HERC1: variants seen among roughly 807,000 people sequenced by gnomAD.
The protein encoded by HERC1 is HECT and RLD domain containing E3 ubiquitin protein ligase family member 1.
HERC1 carries 160 observed loss-of-function variants against 554.3 expected under a neutral mutation model. The ratio of observed to expected loss-of-function variants is 0.29; its 90% confidence interval spans 0.25 to 0.33. HERC1 has a LOEUF of 0.33. HERC1 is among the 10% of genes least tolerant of loss of function. HERC1 has a pLI of 1.00. For synonymous variants in HERC1, 2,175 were observed against 2,131.7 expected (o/e 1.02, Z -0.56); for missense variants, 4,919 against 5,918.5 (o/e 0.83, Z 5.54).
chr15:63,645,349 T>C (rs1463261579), intron 56 of HERC1, 134 bp downstream of exon 56: 1 of 713,712 alleles, frequency 1.4e-6, no homozygotes, highest in Non-Finnish European at 2.3e-6. Flanking sequence ...TGAGGTAATC[T>C]TATAATGTTA....
intron 17 of HERC1, among the ~76,000 whole-genome samples, chr15:63,726,707 A>C (rs1026717510): frequency 2.6e-5 from 4 of 152,186 alleles, no homozygotes; most frequent in East Asian, 1.9e-4. Flanking sequence ...TCTACAAACA[A>C]AACACCAGGG....
In HERC1 at chr15:63,632,442, A is replaced by G. The variant is rs74018158; in HGVS notation, c.12796+267T>C. The G allele has an allele frequency of 0.17, 84,368 of 487,394 alleles. 8,493 individuals carry two copies. The highest frequency in any genetic ancestry group is 0.2 in the Non-Finnish European group (53,684 of 267,686). The allele number at this position is 487,394 out of a possible 1,614,324, so 30.2% of individuals were successfully genotyped here. ...TGTGGCAGCATGTCAAGGGCAGTAG[A>G]AAAGAAGAGGGGACGGCCCTTGGCA... On this transcript the variant is annotated intron_variant, in intron 68 of 77. Transcript: ENST00000443617.
At chr15:63,614,034 G>A (rs1426339023) in intron 76 of HERC1, among the ~76,000 whole-genome samples, 1 of 152,180 alleles carries the variant, frequency 6.6e-6, no homozygotes, top group Non-Finnish European at 1.5e-5. Flanking sequence ...CTGGCTGCTT[G>A]GAGATGGCAG....
chr15:63,771,904 T>A (rs1166585071), intron 2 of HERC1, among the ~76,000 whole-genome samples: 1 of 151,934 alleles, frequency 6.6e-6, no homozygotes, highest in Non-Finnish European at 1.5e-5. Context: ...AAAAAAAAAA[T>A]TATTTTAGAT....
intron 1 of HERC1, among the ~76,000 whole-genome samples, chr15:63,808,795 G>A (rs2077208927): frequency 6.6e-6 from 1 of 152,136 alleles, no homozygotes; most frequent in African/African-American, 2.4e-5. Context: ...ATACTTTCTA[G>A]AGGAATGAAG....
intron 1 of HERC1, among the ~76,000 whole-genome samples, chr15:63,796,428 CAGTA>C (rs1422611751): frequency 2.0e-5 from 3 of 152,214 alleles, no homozygotes; most frequent in African/African-American, 4.8e-5. Context: ...AAAATTATGA[CAGTA>C]AGAGAAATTT....
intron 56 of HERC1, 49 bp downstream of exon 56, chr15:63,645,434 C>T: frequency 7.2e-7 from 1 of 1,389,280 alleles, no homozygotes; most frequent in Non-Finnish European, 9.9e-7. Context: ...AGATAACAGT[C>T]TATACCAATA....
rs1350441162 is a variant in HERC1, at chr15:63,755,268, C to T, written c.1591G>A (p.Glu531Lys). The T allele has an allele frequency of 2.5e-6, 4 of 1,613,704 alleles. No individual in the cohort carries two copies. The highest frequency in any genetic ancestry group is 2.5e-6 in the Non-Finnish European group (3 of 1,179,676). The change falls in exon 6 of 78, where the codon GAA becomes AAA. Residue 531 changes from glutamate (E) to lysine (K), a missense_variant. Physicochemically the swap from Glu to Lys is moderately conservative, Grantham distance 56. Around this residue, in one of 11 missense-constraint regions of HERC1, gnomAD observed 744 missense variants for 1,090.0 expected, o/e 0.68. Transcript: ENST00000443617. ...TCTCCTTCACCCCATGTGTATAATT[C>T]CCCATCCTCTGTGACAGCAGCACTA... Reference protein sequence around the residue: ...RHSAAVTEDGELYTWGEGDFG... With the variant: ...RHSAAVTEDGKLYTWGEGDFG...
At chr15:63,686,643 T>G in intron 33 of HERC1, 108 bp from the exon 34 acceptor site, 1 of 867,558 alleles carries the variant, frequency 1.2e-6, no homozygotes, top group Non-Finnish European at 1.8e-6. Context: ...ATGTATCTAC[T>G]ATGAATCAGT....
chr15:63,635,059 T>A (rs1201581292), intron 65 of HERC1, 171 bp from the exon 66 acceptor site: 2 of 459,174 alleles, frequency 4.4e-6, no homozygotes, highest in East Asian at 7.7e-5. Context: ...TTTTTTTAAA[T>A]TTTAAAGAGA....
rs1595811338 is a variant in HERC1 at position 63,612,243 on chromosome 15, T to C, written c.14400+8A>G. ...ACATTACAAAGGAAAAAAGAATAGC[T>C]TACTTACCCTATCAACCTTCATGAT... On this transcript the variant is annotated splice_region_variant and intron_variant, in intron 77 of 77. Coordinates refer to ENST00000443617, the MANE Select transcript of HERC1 (RefSeq NM_003922.4). This position sits in a 1 kb window ranked among gnomAD's most constrained non-coding sequence, Gnocchi z 5.0. The C allele has an allele frequency of 6.3e-7, 1 of 1,592,782 alleles. No homozygotes were observed.
chr15:63,790,852 G>A (rs1050996991), intron 1 of HERC1, among the ~76,000 whole-genome samples: 1 of 150,816 alleles, frequency 6.6e-6, no homozygotes, highest in Non-Finnish European at 1.5e-5. Context: ...AACAAAAAAA[G>A]TTTGTATGAC....
chr15:63,666,179 G>A (rs1391977713), intron 41 of HERC1, 29 bp from the exon 42 acceptor site: 3 of 1,560,744 alleles, frequency 1.9e-6, no homozygotes, highest in Non-Finnish European at 2.6e-6. Flanking sequence ...GTCTGATGCT[G>A]ACTTTGGGCA....
At chr15:63,646,894 T>C (rs985844246) in intron 55 of HERC1, among the ~76,000 whole-genome samples, 1 of 151,760 alleles carries the variant, frequency 6.6e-6, no homozygotes, top group Non-Finnish European at 1.5e-5. Context: ...TACCAGAATA[T>C]ATACAAATAG....
Position 63,716,447 on chromosome 15 carries a change from A to T in HERC1, c.4005T>A (p.Asp1335Glu). 1 of 1,613,092 alleles carries T rather than the reference A, an allele frequency of 6.2e-7. No individual in the cohort carries two copies. The highest frequency in any genetic ancestry group is 8.5e-7 in the Non-Finnish European group (1 of 1,179,480). The change falls in exon 22 of 78, where the codon GAT becomes GAA. Residue 1335 changes from aspartate (D) to glutamate (E), a missense_variant. Asp to Glu is a conservative substitution (Grantham distance 45). Coordinates refer to ENST00000443617, the MANE Select transcript of HERC1 (RefSeq NM_003922.4). ...RWISENQDSA[D>E]VDPQEHSFTR... ...TAAATGAATGCTCCTGAGGATCAACATCTGCAGAGTCCTGGTTTTCTGATA... is the reference window on the plus strand; with the variant it reads ...TAAATGAATGCTCCTGAGGATCAACTTCTGCAGAGTCCTGGTTTTCTGATA...
At chr15:63,788,769 T>C (rs2076533968) in intron 1 of HERC1, among the ~76,000 whole-genome samples, 8 of 149,752 alleles carry the variant, frequency 5.3e-5, no homozygotes. Flanking sequence ...ATACAAAAAT[T>C]AGCTGGGCGT....
At chr15:63,798,096 A>G (rs1010148419) in intron 1 of HERC1, among the ~76,000 whole-genome samples, 1 of 151,722 alleles carries the variant, frequency 6.6e-6, no homozygotes, top group Non-Finnish European at 1.5e-5. Flanking sequence ...TAAAGCACTT[A>G]TTTTAGAGAA....
intron 17 of HERC1, among the ~76,000 whole-genome samples, chr15:63,726,206 T>G (rs1427712018): frequency 6.6e-6 from 1 of 152,170 alleles, no homozygotes; most frequent in East Asian, 1.9e-4. Context: ...GGTCTTGAAC[T>G]CCTGACCTCA....
At position 63,752,994 on chromosome 15, in the gene HERC1, C is replaced by T; in HGVS notation, c.1866G>A (p.Gly622=). The change falls in exon 8 of 78, where the codon GGG becomes GGA. Residue 622 remains glycine, a synonymous_variant. Coordinates refer to ENST00000443617, the MANE Select transcript of HERC1 (RefSeq NM_003922.4). ...ATGTCAAAGCAAGTGAAGACTGGCT[C>T]CCAGCACAAACTTTGCGAATGAACA... ...QGMFIRKVCA[G]SQSSLALTST... 1 of 1,613,588 alleles carries T rather than the reference C, an allele frequency of 6.2e-7. No homozygotes were observed. The highest frequency in any genetic ancestry group is 8.5e-7 in the Non-Finnish European group (1 of 1,179,648).
Sources: allele counts gnomAD v4.1 joint callset (sites outside exome capture counted in the v4.1 genomes callset), GRCh38; gene constraint gnomAD v4.1.1; regional missense constraint gnomAD v4.1.1; non-coding constraint Gnocchi (gnomAD v3.1); transcripts MANE v1.5; gene names NCBI Gene and HGNC (gene_info 2026-07-23, HGNC 2026-07-21).